XRN1: variants seen among roughly 807,000 people sequenced by gnomAD.
XRN1 encodes the protein strand-exchange protein 1 homolog.
Under a neutral mutation model 222.3 loss-of-function variants are expected in XRN1, and 67 were observed. That is an observed-to-expected ratio of 0.30 (90% CI 0.25 to 0.37). The LOEUF (loss-of-function observed/expected upper bound fraction) is 0.37. Ranked by LOEUF, XRN1 falls within the 10% of genes least tolerant of loss-of-function variation. XRN1 has a pLI of 1.00. For synonymous variants in XRN1, 643 were observed against 652.4 expected (o/e 0.99, Z 0.22); for missense variants, 1,707 against 2,000.2 (o/e 0.85, Z 2.80).
intron 27 of XRN1, among the ~76,000 whole-genome samples, chr3:142,369,655 A>T (rs199951373): frequency 0.13 from 17,674 of 136,754 alleles, 1,026 homozygotes; most frequent in Non-Finnish European, 0.15. Context: ...CTCCAAAATT[A>T]AAAAAAAAAA....
chr3:142,441,804 A>AT (rs1161289598), intron 1 of XRN1, among the ~76,000 whole-genome samples: 3 of 152,240 alleles, frequency 2.0e-5, no homozygotes, highest in Admixed American at 1.3e-4. Context: ...AAGATAGAAC[A>AT]TAACTGTCAA....
intron 37 of XRN1, among the ~76,000 whole-genome samples, chr3:142,326,949 C>T (rs1419488028): frequency 1.3e-5 from 2 of 152,144 alleles, no homozygotes; most frequent in Admixed American, 6.5e-5. Flanking sequence ...AACATCCTTG[C>T]ATACCTGGGA....
chr3:142,324,743 C>A (rs145992259), intron 37 of XRN1, among the ~76,000 whole-genome samples: 5,644 of 151,986 alleles, frequency 0.037, 149 homozygotes, highest in Middle Eastern at 0.058. Flanking sequence ...TTCCCCATAT[C>A]CTCTCCAGCA....
intron 37 of XRN1, among the ~76,000 whole-genome samples, chr3:142,327,705 C>A (rs117687718): frequency 1.3e-5 from 2 of 151,958 alleles, no homozygotes; most frequent in Admixed American, 6.6e-5. Flanking sequence ...GTAAGGGGTG[C>A]GAGTGCAGTT....
intron 32 of XRN1, among the ~76,000 whole-genome samples, chr3:142,349,020 C>G (rs971522153): frequency 6.6e-6 from 1 of 151,984 alleles, no homozygotes; most frequent in African/African-American, 2.4e-5. Context: ...TGGGGTCATC[C>G]TGGCTCACTG....
intron 1 of XRN1, among the ~76,000 whole-genome samples, chr3:142,434,104 A>G (rs908449976): frequency 5.9e-5 from 9 of 152,168 alleles, no homozygotes; most frequent in African/African-American, 2.2e-4. Context: ...GAAAACCTCA[A>G]TGAAAATCTC....
intron 24 of XRN1, chr3:142,376,278 G>C: frequency 1.6e-6 from 1 of 634,706 alleles, no homozygotes; most frequent in Non-Finnish European, 2.6e-6. Context: ...TTTATTAGCT[G>C]CTAAAAAATA....
Position 142,347,361 on chromosome 3 carries a change from ATAAAT to A in XRN1, c.3769-24_3769-20del. ...CTGCACCCTGAAAATTAAAATTCTTATAAATTAAACAAAATCTTAATATTATAACT... is the reference window on the plus strand; with the variant it reads ...CTGCACCCTGAAAATTAAAATTCTTATAAACAAAATCTTAATATTATAACT... On this transcript the variant is annotated intron_variant, in intron 32 of 40. Coordinates refer to ENST00000392981, the MANE Select transcript of XRN1 (RefSeq NM_001282857.2). 2.0e-6 allele frequency: 3 copies of A among 1,470,092 alleles called. No individual in the cohort carries two copies. Among genetic ancestry groups the A allele is most frequent in the African/African-American group, 1.4e-5 (1 of 69,994 alleles). 91.1% of individuals were successfully genotyped at this position (1,470,092 alleles called of 1,614,324 possible).
At chr3:142,412,218 ATTTTAGG>A (rs1360772581) in intron 15 of XRN1, among the ~76,000 whole-genome samples, 1 of 152,098 alleles carries the variant, frequency 6.6e-6, no homozygotes, top group Non-Finnish European at 1.5e-5. Flanking sequence ...TGCTTCATGT[ATTTTAGG>A]TTCTGTTATT....
chr3:142,330,022 T>C (rs1306841879), intron 36 of XRN1, among the ~76,000 whole-genome samples: 2 of 152,228 alleles, frequency 1.3e-5, no homozygotes, highest in East Asian at 3.8e-4. Flanking sequence ...TGGATGAGTA[T>C]AATTGATTAA....
At chr3:142,315,895 A>G (rs913224909) in intron 39 of XRN1, among the ~76,000 whole-genome samples, 2 of 152,152 alleles carry the variant, frequency 1.3e-5, no homozygotes, top group Admixed American at 1.3e-4. Context: ...ACACTGTTCA[A>G]TTATTTGCTT....
Position 142,371,305 on chromosome 3 carries a change from A to G in XRN1, c.3002T>C (p.Ile1001Thr). Residue 1001 changes from isoleucine (I) to threonine (T), a missense_variant, in exon 26 of 41, where the codon ATA becomes ACA. Transcript: ENST00000392981. ...CACATCCTCTTGGCTATTTTTGGCT[A>G]TATAACTAAATAGTTCTGGAGCTCT... ...LERAPELFSYIAKNSQEDVFY... is the reference protein window; with the variant it reads ...LERAPELFSYTAKNSQEDVFY... 1 of 1,613,050 alleles carries G rather than the reference A, an allele frequency of 6.2e-7. No homozygotes were observed.
At chr3:142,337,107 G>C (rs2065871320) in intron 33 of XRN1, among the ~76,000 whole-genome samples, 1 of 151,936 alleles carries the variant, frequency 6.6e-6, no homozygotes, top group African/African-American at 2.4e-5. Flanking sequence ...AATATAATAA[G>C]TTAGACTCAG....
chr3:142,414,083 A>C (rs1461017287), intron 14 of XRN1, 52 bp downstream of exon 14: 2 of 1,455,856 alleles, frequency 1.4e-6, no homozygotes, highest in Admixed American at 2.3e-5. Flanking sequence ...GTTTGGAGGA[A>C]GAGCTTCTAA....
At position 142,336,022 on chromosome 3, in the gene XRN1, TAGA is replaced by T. The variant is rs1248847193; in HGVS notation, c.3878-516_3878-514del. ...ATATGGCCATAGCCTATTGGCTAAA[TAGA>T]AGAATAGTACAAGACCAACTCAGGC... On this transcript the variant is annotated intron_variant, in intron 33 of 40. Transcript: ENST00000392981. Among the ~76,000 whole-genome samples the T allele has an allele frequency of 9.2e-5, 14 of 152,290 alleles. No individual in the cohort carries two copies. The East Asian group carries it at 2.7e-3, about 29-fold the overall frequency.
At chr3:142,418,967 T>C in intron 10 of XRN1, 86 bp from the exon 11 acceptor site, 1 of 1,246,996 alleles carries the variant, frequency 8.0e-7, no homozygotes. Context: ...CCATTTGCTT[T>C]TCTATAGTTC....
At chr3:142,343,603 G>A (rs1231857513) in intron 33 of XRN1, among the ~76,000 whole-genome samples, 7 of 152,122 alleles carry the variant, frequency 4.6e-5, no homozygotes, top group African/African-American at 1.7e-4. Context: ...TGAGGATGTG[G>A]AGAAAAAGGT....
Position 142,404,990 on chromosome 3 carries a change from C to T in XRN1, c.1800G>A (p.Met600Ile), listed in dbSNP as rs2068290699. 4.3e-6 allele frequency: 7 copies of T among 1,613,990 alleles called. No homozygotes were observed. The highest frequency in any genetic ancestry group is 5.9e-6 in the Non-Finnish European group (7 of 1,179,874). The change falls in exon 16 of 41, where the codon ATG becomes ATA. Residue 600 changes from methionine (M) to isoleucine (I), a missense_variant. Physicochemically the swap from Met to Ile is conservative, Grantham distance 10. Around this residue, in one of 2 missense-constraint regions of XRN1, gnomAD observed 1,234 missense variants for 1,518.2 expected, o/e 0.81. Transcript: ENST00000392981. The part of the protein sequence containing the change: ...RKRNQHSECL[M>I]CWYDRDTEFI... Reference sequence around the variant, plus strand: ...ACTCTGTGTCTCTATCATACCAGCACATTAGGCACTCACTATGTTGGTTTC... The same window carrying T: ...ACTCTGTGTCTCTATCATACCAGCATATTAGGCACTCACTATGTTGGTTTC...
chr3:142,401,431 T>C (rs951495787), intron 18 of XRN1, among the ~76,000 whole-genome samples: 1 of 152,244 alleles, frequency 6.6e-6, no homozygotes, highest in Middle Eastern at 3.4e-3. Flanking sequence ...TAAGAAACTG[T>C]AGGCTGGGCG....
Sources: allele counts gnomAD v4.1 joint callset (sites outside exome capture counted in the v4.1 genomes callset), GRCh38; gene constraint gnomAD v4.1.1; regional missense constraint gnomAD v4.1.1; transcripts MANE v1.5; gene names NCBI Gene and HGNC (gene_info 2026-07-23, HGNC 2026-07-21).